The following PLPP4 variants were observed in gnomAD, a reference collection of about 807,000 sequenced individuals.
PLPP4 encodes the protein phospholipid phosphatase 4.
PLPP4 carries 20 observed loss-of-function variants against 32.2 expected under a neutral mutation model. That is an observed-to-expected ratio of 0.62 (90% CI 0.44 to 0.90). The LOEUF (loss-of-function observed/expected upper bound fraction) is 0.90, where lower values mean the gene tolerates loss of function less well. Among genes scored for constraint, PLPP4 ranks in the 40% least tolerant of loss-of-function variants. PLPP4 has a pLI of 0.00. For synonymous variants in PLPP4, 127 were observed against 133.0 expected, an observed-to-expected ratio of 0.95 and a Z score of 0.31; for missense variants, 257 against 353.1, an observed-to-expected ratio of 0.73 and a Z score of 2.18.
chr10:120,497,608 AT>A (rs1000499295), intron 1 of PLPP4, among the ~76,000 whole-genome samples: 1 of 151,668 alleles, frequency 6.6e-6, no homozygotes, highest in African/African-American at 2.4e-5. Flanking sequence ...TTCTTCATGA[AT>A]TTTTTTTTCT....
At chr10:120,570,121 T>C (rs1379135685) in intron 5 of PLPP4, among the ~76,000 whole-genome samples, 6 of 152,170 alleles carry the variant, frequency 3.9e-5, no homozygotes. Flanking sequence ...TCCAGCACAG[T>C]GCCTGGCCCA....
At chr10:120,586,948 A>C (rs114938672) in intron 6 of PLPP4, among the ~76,000 whole-genome samples, 1,699 of 152,284 alleles carry the variant, frequency 0.011, 24 homozygotes, top group African/African-American at 0.037. Context: ...AAATATGAAT[A>C]GAAATGACAT....
chr10:120,483,771 C>A (rs1844318902), intron 1 of PLPP4, among the ~76,000 whole-genome samples: 1 of 152,194 alleles, frequency 6.6e-6, no homozygotes, highest in African/African-American at 2.4e-5. Flanking sequence ...AAGAGCCTGA[C>A]CCCTCCCCAC....
intron 5 of PLPP4, among the ~76,000 whole-genome samples, chr10:120,543,338 G>A (rs993314330): frequency 6.6e-6 from 1 of 152,202 alleles, no homozygotes; most frequent in Non-Finnish European, 1.5e-5. Context: ...CCTTGCAGCT[G>A]CCTGTCTCAG....
chr10:120,535,534 G>C (rs981973012), intron 5 of PLPP4, among the ~76,000 whole-genome samples: 1 of 152,040 alleles, frequency 6.6e-6, no homozygotes, highest in African/African-American at 2.4e-5. Context: ...ATCGGTCACT[G>C]AGAGTAGAGT....
chr10:120,480,728 G>A (rs999135069), intron 1 of PLPP4, among the ~76,000 whole-genome samples: 3 of 152,094 alleles, frequency 2.0e-5, no homozygotes, highest in East Asian at 1.9e-4. Flanking sequence ...CAGCAGTAAG[G>A]CATCCAGACC....
intron 5 of PLPP4, among the ~76,000 whole-genome samples, chr10:120,555,313 G>A (rs1366497878): frequency 6.6e-6 from 1 of 152,108 alleles, no homozygotes; most frequent in Non-Finnish European, 1.5e-5. Context: ...ACAAATGGTA[G>A]GCTGTCCCCA....
chr10:120,487,039 G>A (rs1466038786), intron 1 of PLPP4, among the ~76,000 whole-genome samples: 1 of 152,242 alleles, frequency 6.6e-6, no homozygotes, highest in African/African-American at 2.4e-5. Flanking sequence ...AGATAACGAG[G>A]AGGAAGATGG....
chr10:120,503,396 C>T (rs1201327800), intron 1 of PLPP4, among the ~76,000 whole-genome samples: 1 of 152,232 alleles, frequency 6.6e-6, no homozygotes, highest in Non-Finnish European at 1.5e-5. Flanking sequence ...CATTGACCAA[C>T]CGATGAAGAC....
intron 5 of PLPP4, among the ~76,000 whole-genome samples, chr10:120,534,541 C>G (rs1256710733): frequency 6.6e-6 from 1 of 151,708 alleles, no homozygotes; most frequent in Non-Finnish European, 1.5e-5. Flanking sequence ...TTCTGCTCCC[C>G]CTCCTCTCTT....
intron 3 of PLPP4, among the ~76,000 whole-genome samples, chr10:120,516,305 G>C (rs997999772): frequency 6.6e-6 from 1 of 152,324 alleles, no homozygotes; most frequent in African/African-American, 2.4e-5. Context: ...GTCTTCAGCA[G>C]ACTTTAACCC....
chr10:120,513,328 G>A (rs896092047), intron 2 of PLPP4, among the ~76,000 whole-genome samples: 3 of 152,332 alleles, frequency 2.0e-5, no homozygotes, highest in Admixed American at 2.0e-4. Flanking sequence ...TCTGTAATGA[G>A]TGTTGGCTGC....
chr10:120,539,529 C>A (rs1847237503), intron 5 of PLPP4, among the ~76,000 whole-genome samples: 1 of 152,156 alleles, frequency 6.6e-6, no homozygotes, highest in South Asian at 2.1e-4. Context: ...TGAGTTAGGG[C>A]CCTTGCTACC....
At chr10:120,527,804 A>G (rs1394343413) in intron 5 of PLPP4, among the ~76,000 whole-genome samples, 1 of 152,180 alleles carries the variant, frequency 6.6e-6, no homozygotes, top group African/African-American at 2.4e-5. Flanking sequence ...TTGCTGAAGG[A>G]ATCTAAGTAG....
intron 5 of PLPP4, among the ~76,000 whole-genome samples, chr10:120,525,305 G>A (rs1449882035): frequency 6.6e-6 from 1 of 152,198 alleles, no homozygotes; most frequent in Non-Finnish European, 1.5e-5. Context: ...ACTAAAGCAA[G>A]ACCAGTGCAC....
intron 1 of PLPP4, among the ~76,000 whole-genome samples, chr10:120,496,696 A>G (rs1844978465): frequency 6.6e-6 from 1 of 152,204 alleles, no homozygotes; most frequent in African/African-American, 2.4e-5. Flanking sequence ...CTGGCACATC[A>G]TGGACACTCA....
intron 1 of PLPP4, among the ~76,000 whole-genome samples, chr10:120,481,507 G>A (rs984924088): frequency 6.6e-6 from 1 of 152,130 alleles, no homozygotes; most frequent in African/African-American, 2.4e-5. Flanking sequence ...AATTGGAAGT[G>A]GAAGAGTTGA....
At chr10:120,499,407 G>A (rs1293672392) in intron 1 of PLPP4, among the ~76,000 whole-genome samples, 1 of 148,054 alleles carries the variant, frequency 6.8e-6, no homozygotes, top group Non-Finnish European at 1.5e-5. Flanking sequence ...TTTTTGCCAT[G>A]CTTTTTTTTT....
Position 120,457,227 on chromosome 10 carries a change from C to T in PLPP4, c.-79C>T. 4.0e-6 allele frequency: 5 copies of T among 1,240,644 alleles called. No individual in the cohort carries two copies. The highest frequency in any genetic ancestry group is 5.7e-5 in the Admixed American group (2 of 35,170). 76.9% of individuals were successfully genotyped at this position (1,240,644 alleles called of 1,614,324 possible). ...GCGCGCCTCCCTCGCCTCCCAGGGT[C>T]TGGCGAGCCGGCGCCGGCCGAGCTG... is the stretch of plus-strand genomic sequence containing the variant. On this transcript the variant is annotated 5_prime_UTR_variant, in exon 1 of 7. Transcript: ENST00000398250.
Sources: allele counts gnomAD v4.1 joint callset (sites outside exome capture counted in the v4.1 genomes callset), GRCh38; gene constraint gnomAD v4.1.1; transcripts MANE v1.5; gene names NCBI Gene and HGNC (gene_info 2026-07-23, HGNC 2026-07-21).